Variants in TRIO observed in about 807,000 individuals in gnomAD.
TRIO encodes the protein triple functional domain protein.
TRIO carries 58 observed loss-of-function variants against 351.9 expected under a neutral mutation model. That is an observed-to-expected ratio of 0.16 (90% CI 0.13 to 0.21). The LOEUF (loss-of-function observed/expected upper bound fraction) is 0.21. Among genes scored for constraint, TRIO ranks in the 10% least tolerant of loss-of-function variants. The pLI, the probability that TRIO is intolerant of heterozygous loss-of-function variation, is 1.00. For missense variants in TRIO, 3,201 were observed against 4,027.8 expected (o/e 0.79, Z 5.56); for synonymous variants, 1,758 against 1,595.7 (o/e 1.10, Z -2.42).
intron 33 of TRIO, among the ~76,000 whole-genome samples, chr5:14,418,025 T>C (rs1749784311): frequency 6.6e-6 from 1 of 151,926 alleles, no homozygotes; most frequent in African/African-American, 2.4e-5. Context: ...AAGAGTAGGG[T>C]GAGCCTGCTT....
chr5:14,449,508 C>T (rs1752684594), intron 34 of TRIO, among the ~76,000 whole-genome samples: 1 of 152,196 alleles, frequency 6.6e-6, no homozygotes, highest in South Asian at 2.1e-4. Flanking sequence ...ATGTTGGCCT[C>T]TTGTTGCTCG....
At chr5:14,432,520 A>C (rs1751247813) in intron 34 of TRIO, among the ~76,000 whole-genome samples, 1 of 152,224 alleles carries the variant, frequency 6.6e-6, no homozygotes, top group Non-Finnish European at 1.5e-5. Flanking sequence ...CTCTATGAAA[A>C]AGATCAAGTT....
intron 1 of TRIO, among the ~76,000 whole-genome samples, chr5:14,172,823 A>G (rs1789179383): frequency 6.6e-6 from 1 of 152,254 alleles, no homozygotes; most frequent in African/African-American, 2.4e-5. Flanking sequence ...AGCATACAGA[A>G]TAACATAGGT....
intron 34 of TRIO, among the ~76,000 whole-genome samples, chr5:14,448,149 C>T (rs1176054729): frequency 1.3e-5 from 2 of 152,198 alleles, no homozygotes; most frequent in Non-Finnish European, 2.9e-5. Context: ...AATAATCTTT[C>T]TTTGTATGAG....
intron 31 of TRIO, among the ~76,000 whole-genome samples, chr5:14,402,015 A>T (rs1246618135): frequency 6.6e-6 from 1 of 152,166 alleles, no homozygotes; most frequent in African/African-American, 2.4e-5. Flanking sequence ...CATTGTGTTC[A>T]TAAGATTTTT....
chr5:14,467,575 G>A (rs1305264734), intron 37 of TRIO, among the ~76,000 whole-genome samples: 3 of 152,160 alleles, frequency 2.0e-5, no homozygotes, highest in East Asian at 3.8e-4. Context: ...TAGCACTTTA[G>A]GAGGCCAAGG....
intron 1 of TRIO, among the ~76,000 whole-genome samples, chr5:14,218,813 G>A (rs1297902775): frequency 1.3e-5 from 2 of 152,220 alleles, no homozygotes; most frequent in African/African-American, 4.8e-5. Context: ...TTGAAACATG[G>A]CAGATGACAA....
intron 4 of TRIO, among the ~76,000 whole-genome samples, chr5:14,288,841 A>G (rs1349916911): frequency 1.3e-5 from 2 of 151,570 alleles, no homozygotes; most frequent in Non-Finnish European, 1.5e-5. Context: ...CTAGGTCACA[A>G]CTCTTTCTCC....
chr5:14,492,122 C>T (rs887262891), intron 48 of TRIO, among the ~76,000 whole-genome samples: 3 of 152,192 alleles, frequency 2.0e-5, no homozygotes, highest in African/African-American at 7.2e-5. Context: ...TCTCTGTTAT[C>T]TAATCTGTCA....
intron 1 of TRIO, among the ~76,000 whole-genome samples, chr5:14,258,431 A>G (rs940508009): frequency 6.6e-6 from 1 of 152,172 alleles, no homozygotes; most frequent in Non-Finnish European, 1.5e-5. Flanking sequence ...CGTTTTTATT[A>G]CTATACTAAG....
chr5:14,187,859 A>G, intron 1 of TRIO, among the ~76,000 whole-genome samples: 1 of 152,240 alleles, frequency 6.6e-6, no homozygotes, highest in East Asian at 1.9e-4. Context: ...AATTATTAAC[A>G]TAATAGGAGA....
In TRIO at chr5:14,474,236, T is replaced by C. The variant is rs538266727; in HGVS notation, c.6083+139T>C. 4.2e-6 allele frequency: 3 copies of C among 707,542 alleles called. No homozygotes were observed. The Admixed American group carries it at 7.2e-5, about 17-fold the overall frequency. 43.8% of individuals were successfully genotyped at this position (707,542 alleles called of 1,614,324 possible). On this transcript the variant is annotated intron_variant, in intron 40 of 56. Transcript: ENST00000344204. The stretch of plus-strand genomic sequence containing the variant: ...CTGGAGGGAGCTGGTGCAAAGGAGA[T>C]ATTGATGTACCCAGGAGTTCTGCAG...
intron 36 of TRIO, among the ~76,000 whole-genome samples, chr5:14,465,062 C>T (rs1199752841): frequency 6.6e-6 from 1 of 152,126 alleles, no homozygotes. Flanking sequence ...TCCTCTTCCT[C>T]GTTTCTTTTT....
rs1380725872 is a variant in TRIO at position 14,394,046 on chromosome 5, G to C, written c.4227G>C (p.Gln1409His). Residue 1409 changes from glutamine (Q) to histidine (H), a missense_variant, in exon 28 of 57, where the codon CAG (glutamine) becomes CAC (histidine). Coordinates refer to ENST00000344204, the MANE Select transcript of TRIO (RefSeq NM_007118.4). ...GTTTGGTTTTAATACAGGAGATACA[G>C]CAGCGACATGGATTAGCCAATTCCA... ...EHAGSYFDEI[Q>H]QRHGLANSIS... 6.2e-7 allele frequency: 1 copy of C among 1,612,078 alleles called. No homozygotes were observed. The highest frequency in any genetic ancestry group is 2.2e-5 in the East Asian group (1 of 44,830).
chr5:14,285,404 GGGT>G lies in TRIO; in HGVS notation c.348-1465_348-1463del, dbSNP rs1736354782. On this transcript the variant is annotated intron_variant, in intron 3 of 56. Coordinates refer to ENST00000344204, the MANE Select transcript of TRIO (RefSeq NM_007118.4). Reference sequence around the variant, plus strand: ...CTCTAACCATACAGGCATTTTTTTGGGGTGTTGATGTGATACACCCTCTTACTG... The same window carrying G: ...CTCTAACCATACAGGCATTTTTTTGGGTTGATGTGATACACCCTCTTACTG... 2.0e-5 allele frequency among the ~76,000 whole-genome samples: 3 copies of G among 151,724 alleles called. No homozygotes were observed. In the South Asian group the frequency reaches 6.2e-4, roughly 32 times the overall value.
chr5:14,310,947 A>G (rs1738869526), intron 8 of TRIO, among the ~76,000 whole-genome samples: 1 of 152,208 alleles, frequency 6.6e-6, no homozygotes, highest in Non-Finnish European at 1.5e-5. Flanking sequence ...CGGCCTCCCA[A>G]AGTGCTGAGA....
chr5:14,503,352 C>T (rs917502497), intron 54 of TRIO, among the ~76,000 whole-genome samples: 6 of 152,254 alleles, frequency 3.9e-5, no homozygotes, highest in Non-Finnish European at 2.9e-5. Context: ...GCTCCTGTTG[C>T]TGTCTCTGTC....
intron 31 of TRIO, among the ~76,000 whole-genome samples, chr5:14,404,679 C>T (rs1298991863): frequency 6.6e-6 from 1 of 152,130 alleles, no homozygotes. Context: ...CTTCCTGCCC[C>T]CTCGCCAGAA....
rs1301166871 is a variant in TRIO, at chr5:14,310,658, G to A, written c.1501-5855G>A. On this transcript the variant is annotated intron_variant, in intron 8 of 56. Coordinates refer to ENST00000344204, the MANE Select transcript of TRIO (RefSeq NM_007118.4). ...CCAAAAAACCACCTCTCCGTGATGT[G>A]TGTGGAAGCTCAGTTCCCTTGCGGT... Among the ~76,000 whole-genome samples, 12 of 152,354 alleles carry A rather than the reference G, an allele frequency of 7.9e-5. No homozygotes were observed. In the East Asian group the frequency reaches 1.4e-3, roughly 17 times the overall value.
Sources: allele counts gnomAD v4.1 joint callset (sites outside exome capture counted in the v4.1 genomes callset), GRCh38; gene constraint gnomAD v4.1.1; transcripts MANE v1.5; gene names NCBI Gene and HGNC (gene_info 2026-07-23, HGNC 2026-07-21).